Variants in SEZ6L observed in about 807,000 individuals in gnomAD.
SEZ6L encodes the protein seizure 6-like protein.
A neutral mutation model predicts 106.2 loss-of-function variants in SEZ6L; 37 were observed. The ratio of observed to expected loss-of-function variants is 0.35; its 90% confidence interval spans 0.27 to 0.46. The LOEUF (loss-of-function observed/expected upper bound fraction) is 0.46. Ranked by LOEUF, SEZ6L falls within the 20% of genes least tolerant of loss-of-function variation. The pLI is 1.00. For synonymous variants in SEZ6L, 541 were observed against 570.4 expected, an observed-to-expected ratio of 0.95 and a Z score of 0.73; for missense variants, 1,172 against 1,332.8, an observed-to-expected ratio of 0.88 and a Z score of 1.88.
At chr22:26,281,370 CTTTCTT>C (rs2080758927) in intron 1 of SEZ6L, among the ~76,000 whole-genome samples, 3 of 143,784 alleles carry the variant, frequency 2.1e-5, no homozygotes, top group Admixed American at 1.4e-4. Flanking sequence ...TTCTTTCTTT[CTTTCTT>C]TTTTTTTTTT....
intron 9 of SEZ6L, among the ~76,000 whole-genome samples, chr22:26,339,162 C>A (rs886469622): frequency 3.3e-5 from 5 of 152,070 alleles, no homozygotes; most frequent in African/African-American, 9.7e-5. Flanking sequence ...CTGCCACAAT[C>A]CCTGGCTTAC....
chr22:26,292,649 T>C lies in SEZ6L; in HGVS notation c.338T>C (p.Leu113Ser). 2 of 1,613,242 alleles carry C rather than the reference T, an allele frequency of 1.2e-6. No homozygotes were observed. The highest frequency in any genetic ancestry group is 1.7e-6 in the Non-Finnish European group (2 of 1,179,812). ...LPEEARPKHA[L>S]PPKKKLPSLK... Reference sequence around the variant, plus strand: ...GAGGAGGCCCGCCCCAAGCACGCCTTGCCCCCCAAGAAGAAACTGCCTTCG... The same window carrying C: ...GAGGAGGCCCGCCCCAAGCACGCCTCGCCCCCCAAGAAGAAACTGCCTTCG... Residue 113 changes from leucine to serine, a missense_variant, in exon 2 of 17, where the codon TTG becomes TCG. By Grantham distance (145) the Leu-to-Ser change is moderately radical. Transcript: ENST00000248933.
At chr22:26,253,795 A>G (rs5761448) in intron 1 of SEZ6L, among the ~76,000 whole-genome samples, 18,995 of 152,268 alleles carry the variant, frequency 0.12, 1,587 homozygotes, top group East Asian at 0.35. Flanking sequence ...AGTATACAGT[A>G]TATCTGCAGT....
At chr22:26,263,481 T>C (rs1195292296) in intron 1 of SEZ6L, among the ~76,000 whole-genome samples, 1 of 152,232 alleles carries the variant, frequency 6.6e-6, no homozygotes, top group African/African-American at 2.4e-5. Context: ...TGGAAGATGC[T>C]GGATTTGAAT....
At chr22:26,345,712 T>C (rs1358220940) in intron 10 of SEZ6L, among the ~76,000 whole-genome samples, 1 of 152,206 alleles carries the variant, frequency 6.6e-6, no homozygotes, top group Non-Finnish European at 1.5e-5. Context: ...CAGAATGACT[T>C]TCCTGCAGAC....
At chr22:26,354,953 C>A (rs925690603) in intron 12 of SEZ6L, among the ~76,000 whole-genome samples, 2 of 152,202 alleles carry the variant, frequency 1.3e-5, no homozygotes, top group African/African-American at 4.8e-5. Flanking sequence ...ACGTGACAAG[C>A]GGGTGAGGCT....
At chr22:26,297,367 T>C (rs910084077) in intron 4 of SEZ6L, among the ~76,000 whole-genome samples, 1 of 152,198 alleles carries the variant, frequency 6.6e-6, no homozygotes, top group Non-Finnish European at 1.5e-5. Flanking sequence ...GTTCTTATAA[T>C]TGCTGACATT....
At chr22:26,309,645 C>A (rs570799182) in intron 6 of SEZ6L, among the ~76,000 whole-genome samples, 1 of 152,120 alleles carries the variant, frequency 6.6e-6, no homozygotes, top group African/African-American at 2.4e-5. Flanking sequence ...GTGGCTCGAT[C>A]TCGGCTCACT....
At chr22:26,306,294 C>A in intron 6 of SEZ6L, 150 bp downstream of exon 6, 1 of 846,066 alleles carries the variant, frequency 1.2e-6, no homozygotes. Context: ...TCTTAGACAC[C>A]ATCAGCTTCA....
rs529426986 is a variant in SEZ6L at position 26,189,741 on chromosome 22, C to G, written c.94+19978C>G. Among the ~76,000 whole-genome samples the G allele has an allele frequency of 2.6e-5, 4 of 152,050 alleles. No individual in the cohort carries two copies. The South Asian group carries it at 8.3e-4, about 32-fold the overall frequency. On this transcript the variant is annotated intron_variant, in intron 1 of 16. Transcript: ENST00000248933. ...TCTTGGCATCCTGGGGGTCCTGGAA[C>G]GAGTCTCACATGGATACTGGCAGAC...
chr22:26,264,064 A>T (rs190974614), intron 1 of SEZ6L, among the ~76,000 whole-genome samples: 1 of 152,226 alleles, frequency 6.6e-6, no homozygotes, highest in Non-Finnish European at 1.5e-5. Context: ...ATCCTGCAAC[A>T]TGGACAGCTA....
chr22:26,361,422 G>A (rs1389105345), intron 12 of SEZ6L, among the ~76,000 whole-genome samples: 2 of 149,622 alleles, frequency 1.3e-5, no homozygotes, highest in Non-Finnish European at 3.0e-5. Flanking sequence ...CAGGAAAATC[G>A]CTTGAACCCA....
At chr22:26,356,999 C>A (rs1381732858) in intron 12 of SEZ6L, among the ~76,000 whole-genome samples, 1 of 151,514 alleles carries the variant, frequency 6.6e-6, no homozygotes, top group Non-Finnish European at 1.5e-5. Context: ...TTGCCCAGGC[C>A]GATGTGCAGT....
At chr22:26,178,871 G>A (rs1399627697) in intron 1 of SEZ6L, among the ~76,000 whole-genome samples, 2 of 152,112 alleles carry the variant, frequency 1.3e-5, no homozygotes, top group African/African-American at 2.4e-5. Flanking sequence ...CTGATGGACC[G>A]AGCTGATTCT....
chr22:26,289,413 T>C (rs1312908007), intron 1 of SEZ6L, among the ~76,000 whole-genome samples: 1 of 152,206 alleles, frequency 6.6e-6, no homozygotes, highest in Non-Finnish European at 1.5e-5. Context: ...ACCTCCATTA[T>C]ACAAAAGAGG....
chr22:26,337,703 G>A (rs975274849), intron 9 of SEZ6L, among the ~76,000 whole-genome samples: 1 of 152,162 alleles, frequency 6.6e-6, no homozygotes, highest in Non-Finnish European at 1.5e-5. Flanking sequence ...AACTGTCAGG[G>A]GGGTAGGAGG....
intron 1 of SEZ6L, among the ~76,000 whole-genome samples, chr22:26,204,952 C>T: frequency 6.6e-6 from 1 of 152,232 alleles, no homozygotes; most frequent in African/African-American, 2.4e-5. Flanking sequence ...ACCTATGTGA[C>T]ATGTGCCAGC....
chr22:26,348,642 AAGAAAAAGAAAG>A (rs779403684), intron 11 of SEZ6L, among the ~76,000 whole-genome samples: 100 of 31,158 alleles, frequency 3.2e-3, no homozygotes, highest in Non-Finnish European at 4.0e-3. Flanking sequence ...GAAAGAAAGA[AAGAAAAAGAAAG>A]AAAGAAAGAA....
intron 12 of SEZ6L, among the ~76,000 whole-genome samples, chr22:26,363,069 G>A (rs1601617975): frequency 6.6e-6 from 1 of 152,314 alleles, no homozygotes; most frequent in East Asian, 1.9e-4. Context: ...CTAAAGTAAA[G>A]AATATTCCTG....
Sources: allele counts gnomAD v4.1 joint callset (sites outside exome capture counted in the v4.1 genomes callset), GRCh38; gene constraint gnomAD v4.1.1; transcripts MANE v1.5; gene names NCBI Gene and HGNC (gene_info 2026-07-23, HGNC 2026-07-21).